Variants in TAOK1 observed in about 807,000 individuals in gnomAD.
The protein encoded by TAOK1 is TAO kinase 1.
TAOK1 carries 21 observed loss-of-function variants against 138.3 expected under a neutral mutation model. That is an observed-to-expected ratio of 0.15 (90% CI 0.11 to 0.22). TAOK1 has a LOEUF of 0.22. Among genes scored for constraint, TAOK1 ranks in the 10% least tolerant of loss-of-function variants. The pLI, the probability that TAOK1 is intolerant of heterozygous loss-of-function variation, is 1.00. For missense variants in TAOK1, 651 were observed against 1,227.7 expected, an observed-to-expected ratio of 0.53 and a Z score of 7.02; for synonymous variants, 361 against 398.4, an observed-to-expected ratio of 0.91 and a Z score of 1.12.
At chr17:29,534,918 A>G (rs936037948) in intron 19 of TAOK1, among the ~76,000 whole-genome samples, 4 of 146,676 alleles carry the variant, frequency 2.7e-5, no homozygotes, top group African/African-American at 1.0e-4. Flanking sequence ...TCCATCCTTC[A>G]GGATACTAAG....
intron 3 of TAOK1, among the ~76,000 whole-genome samples, chr17:29,470,685 A>G (rs926204315): frequency 6.6e-6 from 1 of 152,220 alleles, no homozygotes; most frequent in African/African-American, 2.4e-5. Flanking sequence ...ACCTTGAGTG[A>G]AATAATTTTG....
intron 1 of TAOK1, among the ~76,000 whole-genome samples, chr17:29,396,135 C>T (rs1376117811): frequency 6.6e-6 from 1 of 151,524 alleles, no homozygotes; most frequent in Non-Finnish European, 1.5e-5. Flanking sequence ...TGTCTCATAC[C>T]TTCTAAAAAT....
chr17:29,443,152 A>T (rs1418302718), intron 1 of TAOK1, among the ~76,000 whole-genome samples: 5 of 152,176 alleles, frequency 3.3e-5, no homozygotes, highest in African/African-American at 1.2e-4. Context: ...TGACTAACAG[A>T]TGTAGAGAAA....
chr17:29,484,337 G>A (rs929563832), intron 8 of TAOK1, among the ~76,000 whole-genome samples: 5 of 152,112 alleles, frequency 3.3e-5, no homozygotes, highest in African/African-American at 1.2e-4. Context: ...ACTTACAAAT[G>A]TTTTGAATAT....
chr17:29,433,778 T>C (rs1905932730), intron 1 of TAOK1, among the ~76,000 whole-genome samples: 2 of 152,140 alleles, frequency 1.3e-5, no homozygotes, highest in East Asian at 1.9e-4. Context: ...AGGCTTGTTG[T>C]AGTTTCTCTG....
At chr17:29,406,228 C>G (rs1001465368) in intron 1 of TAOK1, among the ~76,000 whole-genome samples, 2 of 151,958 alleles carry the variant, frequency 1.3e-5, no homozygotes, top group Non-Finnish European at 2.9e-5. Flanking sequence ...AAAAATGTTT[C>G]AGGTATTACC....
intron 3 of TAOK1, among the ~76,000 whole-genome samples, chr17:29,469,624 T>G (rs2030765314): frequency 6.6e-6 from 1 of 152,218 alleles, no homozygotes; most frequent in Non-Finnish European, 1.5e-5. Context: ...CATGTTGTAG[T>G]TATGTCAGAA....
intron 2 of TAOK1, among the ~76,000 whole-genome samples, chr17:29,455,879 G>A (rs1209902518): frequency 6.7e-6 from 1 of 149,996 alleles, no homozygotes. Flanking sequence ...CTAGTATGGT[G>A]TTGGGAATTT....
At chr17:29,538,666 A>G (rs1444039070) in intron 19 of TAOK1, among the ~76,000 whole-genome samples, 1 of 152,244 alleles carries the variant, frequency 6.6e-6, no homozygotes, top group Non-Finnish European at 1.5e-5. Flanking sequence ...ATGAAAAATC[A>G]TTCTGTTTGA....
chr17:29,493,073 G>C (rs1431744538), intron 10 of TAOK1, among the ~76,000 whole-genome samples: 2 of 152,214 alleles, frequency 1.3e-5, no homozygotes, highest in African/African-American at 4.8e-5. Flanking sequence ...CCAGGAGGCA[G>C]AGGTTGCAAT....
At chr17:29,495,205 TG>T (rs1295521909) in intron 10 of TAOK1, among the ~76,000 whole-genome samples, 1 of 152,198 alleles carries the variant, frequency 6.6e-6, no homozygotes, top group Non-Finnish European at 1.5e-5. Context: ...GAAACAAATA[TG>T]ACTCAGAGCT....
At chr17:29,441,788 C>T (rs2029946056) in intron 1 of TAOK1, among the ~76,000 whole-genome samples, 1 of 151,974 alleles carries the variant, frequency 6.6e-6, no homozygotes, top group Admixed American at 6.6e-5. Context: ...GTCCCAGCTA[C>T]TCAGGAGGCT....
At chr17:29,433,147 AAT>A (rs1905904562) in intron 1 of TAOK1, among the ~76,000 whole-genome samples, 1 of 152,118 alleles carries the variant, frequency 6.6e-6, no homozygotes. Flanking sequence ...CTAATAAAAG[AAT>A]GTAGCCAGGT....
chr17:29,448,112 A>T (rs555189889), intron 1 of TAOK1, among the ~76,000 whole-genome samples: 1 of 150,544 alleles, frequency 6.6e-6, no homozygotes, highest in Non-Finnish European at 1.5e-5. Flanking sequence ...ACTGCTTTGC[A>T]TGTAGATCAT....
chr17:29,461,625 A>G (rs1293052631), intron 2 of TAOK1, among the ~76,000 whole-genome samples: 7 of 152,192 alleles, frequency 4.6e-5, no homozygotes, highest in Non-Finnish European at 7.3e-5. Flanking sequence ...AATTTCTACT[A>G]CTTGCCTTTT....
At chr17:29,511,944 G>A (rs1230242175) in intron 15 of TAOK1, 2 of 152,238 alleles carry the variant, frequency 1.3e-5, no homozygotes, top group East Asian at 1.9e-4. Flanking sequence ...GAATAAGGGA[G>A]ATATTTGCTT....
At chr17:29,475,566 C>A (rs2030926408) in intron 3 of TAOK1, 104 bp from the exon 4 acceptor site, 1 of 760,046 alleles carries the variant, frequency 1.3e-6, no homozygotes. Context: ...AGCAAAGTTG[C>A]ATGTTCTTGT....
At chr17:29,446,462 C>T (rs1210132122) in intron 1 of TAOK1, among the ~76,000 whole-genome samples, 1 of 152,152 alleles carries the variant, frequency 6.6e-6, no homozygotes, top group Non-Finnish European at 1.5e-5. Context: ...AGGATGGTCT[C>T]GATCTCCTGA....
At chr17:29,514,872 A>G (rs1004474970) in intron 15 of TAOK1, 1 of 151,422 alleles carries the variant, frequency 6.6e-6, no homozygotes, top group African/African-American at 2.4e-5. Context: ...GGTGGGACAC[A>G]CCTGTGGTCC....
Sources: gnomAD v4.1 joint callset for allele counts (sites outside exome capture counted in the v4.1 genomes callset) on GRCh38, gnomAD v4.1.1 for gene constraint, MANE v1.5 for transcripts, NCBI Gene and HGNC (gene_info 2026-07-23, HGNC 2026-07-21) for gene names.